Variants in KCNC2 observed in about 807,000 individuals in gnomAD.
The protein encoded by KCNC2 is voltage-gated potassium channel KCNC2.
A neutral mutation model predicts 44.5 loss-of-function variants in KCNC2; 21 were observed. The observed-to-expected ratio is 0.47, with a 90% CI of 0.33 to 0.68. KCNC2 has a LOEUF of 0.68. Among genes scored for constraint, KCNC2 ranks in the 30% least tolerant of loss-of-function variants. The probability of loss-of-function intolerance (pLI) is 0.01; values close to 1 mark genes in which losing one functional copy is unlikely to be tolerated. For missense variants in KCNC2, 589 were observed against 826.2 expected, an observed-to-expected ratio of 0.71 and a Z score of 3.52; for synonymous variants, 391 against 339.1, an observed-to-expected ratio of 1.15 and a Z score of -1.68.
intron 2 of KCNC2, among the ~76,000 whole-genome samples, chr12:75,066,467 A>G (rs1157675069): frequency 2.0e-5 from 3 of 152,184 alleles, no homozygotes; most frequent in Admixed American, 1.3e-4. Context: ...GAAAAAAATC[A>G]TTTGCTTTTA....
chr12:75,204,255 T>C (rs558046365), intron 2 of KCNC2, among the ~76,000 whole-genome samples: 157 of 152,100 alleles, frequency 1.0e-3, no homozygotes, highest in African/African-American at 3.7e-3. Context: ...AGACCCCTCA[T>C]ATACGTATTT....
intron 3 of KCNC2, among the ~76,000 whole-genome samples, chr12:75,049,218 T>A (rs966563529): frequency 6.6e-6 from 1 of 152,132 alleles, no homozygotes; most frequent in Admixed American, 6.6e-5. Flanking sequence ...AGCCACATTG[T>A]TTTTTCCATT....
At chr12:75,199,150 A>G (rs1433075963) in intron 2 of KCNC2, among the ~76,000 whole-genome samples, 1 of 151,854 alleles carries the variant, frequency 6.6e-6, no homozygotes, top group Non-Finnish European at 1.5e-5. Flanking sequence ...TACTGCTAAG[A>G]CTAAATTACA....
intron 2 of KCNC2, among the ~76,000 whole-genome samples, chr12:75,176,513 G>A (rs1380524498): frequency 4.6e-5 from 7 of 151,770 alleles, no homozygotes; most frequent in Admixed American, 4.6e-4. Context: ...CTTCCCCTCT[G>A]CTCACCCTGT....
chr12:75,136,733 A>G (rs1460803962), intron 2 of KCNC2, among the ~76,000 whole-genome samples: 3 of 152,144 alleles, frequency 2.0e-5, no homozygotes, highest in Non-Finnish European at 4.4e-5. Flanking sequence ...TTCACAACTG[A>G]GTTCTACCAG....
intron 1 of KCNC2, among the ~76,000 whole-genome samples, chr12:75,208,622 C>G (rs1433157237): frequency 6.8e-6 from 1 of 147,358 alleles, no homozygotes; most frequent in Non-Finnish European, 1.5e-5. Flanking sequence ...CACCCTAGGT[C>G]AACCCCGGAC....
intron 2 of KCNC2, among the ~76,000 whole-genome samples, chr12:75,135,903 C>T (rs1889195036): frequency 6.6e-6 from 1 of 151,942 alleles, no homozygotes; most frequent in Non-Finnish European, 1.5e-5. Context: ...ATGGTTTTCC[C>T]CTTTGACAAG....
At chr12:75,140,169 T>C (rs184434215) in intron 2 of KCNC2, 2 of 152,300 alleles carry the variant, frequency 1.3e-5, no homozygotes, top group East Asian at 1.9e-4. Context: ...CTTTTTTTTC[T>C]GGGCACTTCT....
intron 2 of KCNC2, among the ~76,000 whole-genome samples, chr12:75,133,610 C>T (rs1422691202): frequency 6.6e-6 from 1 of 151,870 alleles, no homozygotes; most frequent in African/African-American, 2.4e-5. Context: ...AAAATTTTTA[C>T]TATTTAGCAG....
At chr12:75,134,319 A>C (rs2137361615) in intron 2 of KCNC2, among the ~76,000 whole-genome samples, 1 of 152,132 alleles carries the variant, frequency 6.6e-6, no homozygotes, top group East Asian at 1.9e-4. Flanking sequence ...ACAAGGATAT[A>C]ATTATGTTGT....
intron 4 of KCNC2, chr12:75,043,896 T>A: frequency 1.2e-6 from 1 of 823,148 alleles, no homozygotes; most frequent in Non-Finnish European, 1.8e-6. Context: ...TAAGTTTGAA[T>A]TTGATTACAT....
At chr12:75,046,865 T>C (rs1880582183) in intron 4 of KCNC2, among the ~76,000 whole-genome samples, 1 of 151,796 alleles carries the variant, frequency 6.6e-6, no homozygotes, top group African/African-American at 2.4e-5. Flanking sequence ...CTCTTTTAAG[T>C]CTCAAAGGCA....
intron 2 of KCNC2, among the ~76,000 whole-genome samples, chr12:75,136,801 G>A (rs2137376302): frequency 6.6e-6 from 1 of 152,208 alleles, no homozygotes; most frequent in South Asian, 2.1e-4. Flanking sequence ...AATCAAGGAG[G>A]AGGGAATCCT....
At chr12:75,195,190 A>T (rs2030655150) in intron 2 of KCNC2, among the ~76,000 whole-genome samples, 1 of 152,156 alleles carries the variant, frequency 6.6e-6, no homozygotes, top group African/African-American at 2.4e-5. Flanking sequence ...TAGCAATATA[A>T]AGCCTGTATT....
At position 75,042,305 on chromosome 12, in the gene KCNC2, CCAAGTCATTAAG is replaced by C; in HGVS notation, c.*788_*799del. On this transcript the variant is annotated 3_prime_UTR_variant, in exon 5 of 5. Coordinates refer to ENST00000549446, the MANE Select transcript of KCNC2 (RefSeq NM_139137.4). ...CTTTCTCTCATGTTTTGTGCCTTCC[CCAAGTCATTAAG>C]TAAGAGATCTGGCCTCGGCTTGCGT... 6.2e-7 allele frequency: 1 copy of C among 1,610,986 alleles called. No individual in the cohort carries two copies. The highest frequency in any genetic ancestry group is 8.5e-7 in the Non-Finnish European group (1 of 1,178,288).
At chr12:75,090,177 A>G (rs1885353428) in intron 2 of KCNC2, among the ~76,000 whole-genome samples, 1 of 151,790 alleles carries the variant, frequency 6.6e-6, no homozygotes, top group Non-Finnish European at 1.5e-5. Flanking sequence ...TAAACACATT[A>G]CTTTCAGAAA....
intron 2 of KCNC2, among the ~76,000 whole-genome samples, chr12:75,206,726 T>A (rs2137821754): frequency 6.6e-6 from 1 of 152,268 alleles, no homozygotes; most frequent in South Asian, 2.1e-4. Context: ...CAAACAACGT[T>A]CTGGAGATTC....
At chr12:75,086,681 A>T (rs1903022) in intron 2 of KCNC2, among the ~76,000 whole-genome samples, 3,812 of 51,696 alleles carry the variant, frequency 0.074, 96 homozygotes, top group African/African-American at 0.24. Flanking sequence ...AAAAAAAAAA[A>T]ATATATATAT....
At chr12:75,167,614 C>A (rs1019850832) in intron 2 of KCNC2, among the ~76,000 whole-genome samples, 9 of 151,146 alleles carry the variant, frequency 6.0e-5, no homozygotes, top group African/African-American at 2.2e-4. Context: ...GGCTAATAAC[C>A]AGAGCTGACT....
Sources: gnomAD v4.1 joint callset for allele counts (sites outside exome capture counted in the v4.1 genomes callset) on GRCh38, gnomAD v4.1.1 for gene constraint, MANE v1.5 for transcripts, NCBI Gene and HGNC (gene_info 2026-07-23, HGNC 2026-07-21) for gene names.